Variants in BAALC observed in about 807,000 individuals in gnomAD.
BAALC encodes the protein BAALC binder of MAP3K1 and KLF4.
Under a neutral mutation model 15.5 loss-of-function variants are expected in BAALC, and 9 were observed. The observed-to-expected ratio is 0.58, with a 90% CI of 0.35 to 1.02. BAALC has a LOEUF of 1.02. BAALC is among the 50% of genes least tolerant of loss of function. BAALC has a pLI of 0.02. For synonymous variants in BAALC, 80 were observed against 74.6 expected (o/e 1.07, Z -0.37); for missense variants, 201 against 192.4 (o/e 1.04, Z -0.27).
chr8:103,192,758 CCT>C (rs1468766602), intron 1 of BAALC, among the ~76,000 whole-genome samples: 1 of 152,246 alleles, frequency 6.6e-6, no homozygotes, highest in Admixed American at 6.5e-5. Flanking sequence ...TCTAATGGAT[CCT>C]CCACACAGTT....
intron 2 of BAALC, among the ~76,000 whole-genome samples, chr8:103,217,962 TA>T (rs1812596347): frequency 6.6e-6 from 1 of 152,130 alleles, no homozygotes; most frequent in Non-Finnish European, 1.5e-5. Flanking sequence ...CCAAATAATA[TA>T]GAATAAATAA....
At chr8:103,166,885 A>T (rs1161920431) in intron 1 of BAALC, among the ~76,000 whole-genome samples, 1 of 152,218 alleles carries the variant, frequency 6.6e-6, no homozygotes, top group Non-Finnish European at 1.5e-5. Context: ...CAGTCAAAGG[A>T]TACTTTAAGA....
chr8:103,222,796 G>A (rs1812707778), intron 2 of BAALC, among the ~76,000 whole-genome samples: 2 of 152,158 alleles, frequency 1.3e-5, no homozygotes, highest in African/African-American at 2.4e-5. Flanking sequence ...CCTTTATCTG[G>A]AAGCACAACT....
At chr8:103,223,803 C>A (rs1354105225) in intron 2 of BAALC, among the ~76,000 whole-genome samples, 1 of 152,134 alleles carries the variant, frequency 6.6e-6, no homozygotes, top group African/African-American at 2.4e-5. Context: ...TTTGTGAAAT[C>A]TTACCAACAG....
intron 1 of BAALC, chr8:103,153,170 A>G (rs1223984497): frequency 1.3e-5 from 2 of 152,246 alleles, no homozygotes; most frequent in Non-Finnish European, 2.9e-5. Context: ...CCCTAAAAGT[A>G]TCAGGGTCCT....
intron 2 of BAALC, among the ~76,000 whole-genome samples, chr8:103,217,088 C>G (rs1812574254): frequency 6.6e-6 from 1 of 152,176 alleles, no homozygotes; most frequent in Non-Finnish European, 1.5e-5. Context: ...CAACGCAGCA[C>G]CCCTGGGCAG....
At chr8:103,218,027 G>T (rs552779096) in intron 2 of BAALC, among the ~76,000 whole-genome samples, 4 of 152,312 alleles carry the variant, frequency 2.6e-5, no homozygotes, top group Middle Eastern at 6.8e-3. Flanking sequence ...TCACTAGTCA[G>T]GGGTAGCAGC....
In BAALC at chr8:103,212,941, C is replaced by T. The variant is rs965343943; in HGVS notation, c.183C>T (p.Pro61=). ...CAGGCATGCTGGAAGATGGACTGCC[C>T]TCCAATGGTGTGCCCCGATCTACAG... The part of the protein sequence containing the change: ...LHSGMLEDGL[P]SNGVPRSTAP... The change falls in exon 2 of 3, where the codon CCC becomes CCT. Residue 61 remains proline (P), a synonymous_variant. Coordinates refer to ENST00000309982, the MANE Select transcript of BAALC (RefSeq NM_024812.3). 4.3e-6 allele frequency: 7 copies of T among 1,613,682 alleles called. No homozygotes were observed. Among genetic ancestry groups the T allele is most frequent in the South Asian group, 1.1e-5 (1 of 91,034 alleles).
rs371404681 is a variant in BAALC at position 103,221,005 on chromosome 8, G to C, written c.328-6984G>C. ...CTGAGAACATCTCTATTTCCATTTG[G>C]GGGGAAAGTGAGAAAAGGCTGAACA... On this transcript the variant is annotated intron_variant, in intron 2 of 2. Transcript: ENST00000309982. 3.9e-5 allele frequency among the ~76,000 whole-genome samples: 6 copies of C among 152,128 alleles called. 1 individual carries two copies. Among genetic ancestry groups the C allele is most frequent in the Non-Finnish European group, 8.8e-5 (6 of 68,012 alleles).
chr8:103,206,164 A>G (rs1812324343), intron 1 of BAALC, among the ~76,000 whole-genome samples: 2 of 152,190 alleles, frequency 1.3e-5, no homozygotes, highest in Non-Finnish European at 2.9e-5. Context: ...CTCAACCTCC[A>G]GCCTTCCCAG....
chr8:103,162,491 G>A (rs1170176696), intron 1 of BAALC, among the ~76,000 whole-genome samples: 5 of 152,166 alleles, frequency 3.3e-5, no homozygotes, highest in African/African-American at 1.2e-4. Flanking sequence ...CTTTCTGCAA[G>A]GGCTAGTTTG....
chr8:103,220,836 A>C (rs935215999), intron 2 of BAALC, among the ~76,000 whole-genome samples: 5 of 152,212 alleles, frequency 3.3e-5, no homozygotes, highest in African/African-American at 1.2e-4. Flanking sequence ...TTTATAATTA[A>C]AAATACTACT....
intron 1 of BAALC, 46 bp downstream of exon 1, chr8:103,141,103 G>A: frequency 7.2e-7 from 1 of 1,392,142 alleles, no homozygotes. Context: ...CGCTACCCCG[G>A]GCGCCTTGGC....
At chr8:103,141,798 A>T (rs1810784701) in intron 1 of BAALC, among the ~76,000 whole-genome samples, 1 of 152,278 alleles carries the variant, frequency 6.6e-6, no homozygotes, top group Admixed American at 6.5e-5. Flanking sequence ...ACTCTTGCCT[A>T]GGTCATTCCT....
intron 2 of BAALC, 41 bp downstream of exon 2, chr8:103,213,126 G>T: frequency 1.2e-6 from 2 of 1,603,610 alleles, no homozygotes; most frequent in East Asian, 2.2e-5. Context: ...ACTGGAGAAT[G>T]GGGGTAGGGC....
chr8:103,159,789 T>C (rs1490922155), intron 1 of BAALC, among the ~76,000 whole-genome samples: 1 of 152,208 alleles, frequency 6.6e-6, no homozygotes, highest in East Asian at 1.9e-4. Flanking sequence ...ATTCTTTTAT[T>C]TTTCTGGGCT....
intron 1 of BAALC, among the ~76,000 whole-genome samples, chr8:103,210,400 G>A (rs1269833458): frequency 6.6e-6 from 1 of 152,218 alleles, no homozygotes; most frequent in Non-Finnish European, 1.5e-5. Context: ...TTAGCATTTG[G>A]CACAGCAAGT....
intron 1 of BAALC, among the ~76,000 whole-genome samples, chr8:103,188,646 G>T (rs1350522571): frequency 3.9e-5 from 6 of 152,182 alleles, no homozygotes; most frequent in African/African-American, 9.7e-5. Context: ...AAGGAATTCT[G>T]CGAGATAAAA....
intron 1 of BAALC, among the ~76,000 whole-genome samples, chr8:103,191,648 A>C (rs1362786692): frequency 6.6e-6 from 1 of 152,112 alleles, no homozygotes; most frequent in Admixed American, 6.5e-5. Context: ...GTGGGGTCAG[A>C]TCACACAAGC....
Sources: gnomAD v4.1 joint callset for allele counts (sites outside exome capture counted in the v4.1 genomes callset) on GRCh38, gnomAD v4.1.1 for gene constraint, MANE v1.5 for transcripts, NCBI Gene and HGNC (gene_info 2026-07-23, HGNC 2026-07-21) for gene names.